Variants in SORCS2 observed in about 807,000 individuals in gnomAD.
The protein encoded by SORCS2 is sortilin related VPS10 domain containing receptor 2.
In SORCS2, 100 loss-of-function variants were observed where a neutral mutation model predicts 141.6. The ratio of observed to expected loss-of-function variants is 0.71; its 90% CI spans 0.60 to 0.83. SORCS2 has a LOEUF of 0.83. SORCS2 is among the 40% of genes least tolerant of loss of function. The pLI is 0.00. For missense variants in SORCS2, 1,646 were observed against 1,560.2 expected (o/e 1.05, Z -0.93); for synonymous variants, 789 against 676.9 (o/e 1.17, Z -2.57).
At chr4:7,543,739 TCCACCCATCCAC>T (rs1712943351) in intron 3 of SORCS2, among the ~76,000 whole-genome samples, 1 of 71,406 alleles carries the variant, frequency 1.4e-5, no homozygotes, top group Admixed American at 1.3e-4. Context: ...CATCCACCCA[TCCACCCATCCAC>T]CCATCCACCC....
At chr4:7,574,327 G>C (rs528937370) in intron 3 of SORCS2, among the ~76,000 whole-genome samples, 1 of 152,368 alleles carries the variant, frequency 6.6e-6, no homozygotes, top group African/African-American at 2.4e-5. Flanking sequence ...GCAGTGAAGA[G>C]AGGTACTCCC....
chr4:7,497,264 T>C (rs13114678), intron 2 of SORCS2, among the ~76,000 whole-genome samples: 146,151 of 152,258 alleles, frequency 0.96, 70,369 homozygotes, highest in East Asian at 1. Context: ...TCTTACCATG[T>C]CTGGGCCTCC....
chr4:7,466,601 T>G (rs1729631368), intron 2 of SORCS2, among the ~76,000 whole-genome samples: 1 of 152,124 alleles, frequency 6.6e-6, no homozygotes, highest in Non-Finnish European at 1.5e-5. Flanking sequence ...AGGGGCAGCC[T>G]GGAAACACGG....
intron 2 of SORCS2, among the ~76,000 whole-genome samples, chr4:7,489,753 G>A (rs1189361669): frequency 6.6e-6 from 1 of 152,110 alleles, no homozygotes; most frequent in East Asian, 1.9e-4. Context: ...TCTGTGTTTT[G>A]GAAAACACAA....
chr4:7,356,262 TTTG>T (rs1206581274), intron 1 of SORCS2, among the ~76,000 whole-genome samples: 17 of 152,348 alleles, frequency 1.1e-4, no homozygotes, highest in African/African-American at 4.1e-4. Flanking sequence ...CCTTATTCGG[TTTG>T]TTTTCTGTCT....
At chr4:7,327,731 C>G (rs1174113765) in intron 1 of SORCS2, among the ~76,000 whole-genome samples, 1 of 152,214 alleles carries the variant, frequency 6.6e-6, no homozygotes, top group African/African-American at 2.4e-5. Context: ...CTTCGAGGCC[C>G]AGCCTCTCTG....
At chr4:7,242,097 G>A (rs796674176) in intron 1 of SORCS2, among the ~76,000 whole-genome samples, 23 of 152,280 alleles carry the variant, frequency 1.5e-4, no homozygotes, top group African/African-American at 4.1e-4. Flanking sequence ...CCTGGCTGCC[G>A]CACTGATTCG....
intron 2 of SORCS2, among the ~76,000 whole-genome samples, chr4:7,407,906 T>G (rs1360795442): frequency 6.6e-6 from 1 of 151,852 alleles, no homozygotes; most frequent in Non-Finnish European, 1.5e-5. Flanking sequence ...TATTTTAAAG[T>G]GATAATAATT....
intron 2 of SORCS2, among the ~76,000 whole-genome samples, chr4:7,477,723 T>A (rs961833488): frequency 1.2e-4 from 19 of 152,190 alleles, no homozygotes; most frequent in Non-Finnish European, 2.2e-4. Context: ...TCCCACTGCA[T>A]GGAGCCCAGT....
chr4:7,601,616 C>CAAAAAA (rs1168678841), intron 3 of SORCS2, among the ~76,000 whole-genome samples: 1,423 of 45,614 alleles, frequency 0.031, 64 homozygotes, highest in Non-Finnish European at 0.038. Flanking sequence ...AAGACTCTCT[C>CAAAAAA]AAAAAAAAAA....
chr4:7,533,784 A>G (rs1441663144), intron 3 of SORCS2, among the ~76,000 whole-genome samples: 1 of 148,434 alleles, frequency 6.7e-6, no homozygotes, highest in Non-Finnish European at 1.5e-5. Context: ...ACCTGGGGAC[A>G]TGGCCGTGAC....
At chr4:7,672,089 G>C (rs1243807123) in intron 8 of SORCS2, among the ~76,000 whole-genome samples, 1 of 151,898 alleles carries the variant, frequency 6.6e-6, no homozygotes, top group Non-Finnish European at 1.5e-5. Flanking sequence ...GATTACAGGT[G>C]CCTGCCACCA....
chr4:7,235,079 G>A (rs908772843), intron 1 of SORCS2, among the ~76,000 whole-genome samples: 2 of 152,244 alleles, frequency 1.3e-5, no homozygotes, highest in Admixed American at 6.5e-5. Flanking sequence ...TCCCGTGAGG[G>A]TCTGAACTCT....
At chr4:7,518,231 C>A (rs1372871223) in intron 2 of SORCS2, among the ~76,000 whole-genome samples, 2 of 152,128 alleles carry the variant, frequency 1.3e-5, no homozygotes, top group South Asian at 4.1e-4. Context: ...ATTTATTGAT[C>A]GTATGTGGAT....
At chr4:7,292,280 T>TCC (rs1392257102) in intron 1 of SORCS2, among the ~76,000 whole-genome samples, 1 of 149,960 alleles carries the variant, frequency 6.7e-6, no homozygotes, top group South Asian at 2.1e-4. Context: ...CCAAGGAGGC[T>TCC]CCCCACCATT....
chr4:7,702,582 A>G (rs796848336), intron 12 of SORCS2, among the ~76,000 whole-genome samples: 30 of 152,106 alleles, frequency 2.0e-4, no homozygotes, highest in African/African-American at 7.2e-4. Context: ...CACCCTCAGT[A>G]TCCACTCCTG....
At chr4:7,515,215 G>T (rs1329344553) in intron 2 of SORCS2, among the ~76,000 whole-genome samples, 1 of 152,220 alleles carries the variant, frequency 6.6e-6, no homozygotes, top group African/African-American at 2.4e-5. Flanking sequence ...GGTCCAGTGA[G>T]TACAGTGGCC....
intron 2 of SORCS2, among the ~76,000 whole-genome samples, chr4:7,439,861 G>C (rs147734099): frequency 6.6e-6 from 1 of 152,114 alleles, no homozygotes; most frequent in Non-Finnish European, 1.5e-5. Context: ...TCTTGGTGAC[G>C]TCAGATGGTG....
At chr4:7,380,975 G>C (rs559235807) in intron 1 of SORCS2, among the ~76,000 whole-genome samples, 1 of 151,632 alleles carries the variant, frequency 6.6e-6, no homozygotes, top group Non-Finnish European at 1.5e-5. Context: ...CCAGCTACTC[G>C]GGAGGCTGAG....
Sources: gnomAD v4.1 joint callset for allele counts (sites outside exome capture counted in the v4.1 genomes callset) on GRCh38, gnomAD v4.1.1 for gene constraint, MANE v1.5 for transcripts, NCBI Gene and HGNC (gene_info 2026-07-23, HGNC 2026-07-21) for gene names.